Variants in CRACD observed in about 807,000 individuals in gnomAD.
CRACD encodes the protein capping protein-inhibiting regulator of actin dynamics.
Under a neutral mutation model 106.8 loss-of-function variants are expected in CRACD, and 56 were observed. The observed-to-expected ratio is 0.52, with a 90% CI of 0.42 to 0.66. The LOEUF (loss-of-function observed/expected upper bound fraction) is 0.66. Ranked by LOEUF, CRACD falls within the 30% of genes least tolerant of loss-of-function variation. The pLI is 0.00. For missense variants in CRACD, 1,730 were observed against 1,623.2 expected (o/e 1.07, Z -1.13); for synonymous variants, 754 against 670.8 (o/e 1.12, Z -1.92).
chr4:56,271,821 C>G (rs1742363794), intron 2 of CRACD, among the ~76,000 whole-genome samples: 1 of 152,142 alleles, frequency 6.6e-6, no homozygotes, highest in Admixed American at 6.5e-5. Flanking sequence ...TCACAGCTCA[C>G]TCAGCCTCAA....
chr4:56,283,784 C>G (rs1743169583), intron 3 of CRACD, among the ~76,000 whole-genome samples: 1 of 152,152 alleles, frequency 6.6e-6, no homozygotes, highest in Non-Finnish European at 1.5e-5. Flanking sequence ...AGTACATTTT[C>G]TTTAGGTAGA....
Position 56,314,413 on chromosome 4 carries a change from A to G in CRACD, c.911A>G (p.Glu304Gly). Residue 304 changes from glutamate (E) to glycine (G), a missense_variant, in exon 8 of 11, where the codon GAG becomes GGG. By Grantham distance (98) the Glu-to-Gly change is moderately conservative. This residue lies in a region of CRACD where 1,620 missense variants were observed against 1,481.6 expected (regional missense o/e 1.09). Transcript: ENST00000682029. This position sits in a 1 kb window ranked among gnomAD's most constrained non-coding sequence, Gnocchi z 4.4. ...SLEAPGWEDA[E>G]RREREERERL... ...GAAGCGCCAGGTTGGGAGGACGCGG[A>G]GCGGAGGGAGCGTGAGGAGCGCGAG... The G allele has an allele frequency of 2.6e-6, 4 of 1,544,998 alleles. No individual in the cohort carries two copies. The highest frequency in any genetic ancestry group is 3.5e-6 in the Non-Finnish European group (4 of 1,144,808).
At position 56,138,356 on chromosome 4, in the gene CRACD, T is replaced by TTC. The variant is rs1577686833; in HGVS notation, c.-335-40928_-335-40927insTC. 2.0e-5 allele frequency among the ~76,000 whole-genome samples: 3 copies of TTC among 152,084 alleles called. No individual in the cohort carries two copies. In the East Asian group the frequency reaches 5.8e-4, roughly 29 times the overall value. ...GTGTGTGCCTGCAATCTCAGCTTCT[T>TTC]GGGAGGCTAAAGCACGAAAACTGCT... is the stretch of plus-strand genomic sequence containing the variant. On this transcript the variant is annotated intron_variant, in intron 1 of 10. Coordinates refer to ENST00000682029, the MANE Select transcript of CRACD (RefSeq NM_001393381.1).
chr4:56,295,107 A>G (rs370054000), intron 3 of CRACD, among the ~76,000 whole-genome samples: 1 of 152,108 alleles, frequency 6.6e-6, no homozygotes, highest in South Asian at 2.1e-4. Flanking sequence ...AACAACAACA[A>G]CAAAAAACAG....
chr4:56,285,516 T>C (rs771567417), intron 3 of CRACD, among the ~76,000 whole-genome samples: 1 of 152,144 alleles, frequency 6.6e-6, no homozygotes, highest in Non-Finnish European at 1.5e-5. Context: ...CACAGCTCAC[T>C]GCAGCCTCAA....
intron 2 of CRACD, among the ~76,000 whole-genome samples, chr4:56,220,484 C>G (rs974528579): frequency 6.6e-6 from 1 of 152,154 alleles, no homozygotes; most frequent in African/African-American, 2.4e-5. Context: ...GCTGGAAGAA[C>G]GGTACAAGCC....
chr4:56,060,536 G>A (rs906339306), intron 1 of CRACD, among the ~76,000 whole-genome samples: 1 of 152,040 alleles, frequency 6.6e-6, no homozygotes, highest in African/African-American at 2.4e-5. Context: ...CAAAAATGTG[G>A]GAAGCTTGGT....
chr4:56,243,052 C>G (rs948583787), intron 2 of CRACD, among the ~76,000 whole-genome samples: 3 of 152,154 alleles, frequency 2.0e-5, no homozygotes, highest in Admixed American at 2.0e-4. Flanking sequence ...TTCCCTTTAT[C>G]CTTTTTACTA....
At chr4:56,202,259 T>C (rs1487372643) in intron 2 of CRACD, among the ~76,000 whole-genome samples, 3 of 152,228 alleles carry the variant, frequency 2.0e-5, no homozygotes, top group Non-Finnish European at 4.4e-5. Flanking sequence ...TGACATCCTT[T>C]TTTTTAGACG....
chr4:56,188,369 G>A (rs140934136), intron 2 of CRACD, among the ~76,000 whole-genome samples: 296 of 152,156 alleles, frequency 1.9e-3, no homozygotes, highest in African/African-American at 6.7e-3. Context: ...GGCTTGACAT[G>A]CTTGGCCCAT....
intron 1 of CRACD, among the ~76,000 whole-genome samples, chr4:56,132,919 A>G (rs1055697888): frequency 6.6e-6 from 1 of 152,208 alleles, no homozygotes; most frequent in African/African-American, 2.4e-5. Context: ...CTACTTAGCT[A>G]TTGGAGGTAA....
chr4:56,086,820 G>A (rs1352698335), intron 1 of CRACD, among the ~76,000 whole-genome samples: 2 of 152,048 alleles, frequency 1.3e-5, no homozygotes, highest in Non-Finnish European at 2.9e-5. Context: ...TGACTTTGGG[G>A]CTTTGATCCT....
At chr4:56,108,157 G>C (rs113182337) in intron 1 of CRACD, among the ~76,000 whole-genome samples, 47 of 152,266 alleles carry the variant, frequency 3.1e-4, no homozygotes, top group African/African-American at 1.1e-3. Context: ...CCTGCCTGCT[G>C]TCTCTTCTCA....
At chr4:56,285,676 C>T (rs1422474687) in intron 3 of CRACD, among the ~76,000 whole-genome samples, 1 of 152,106 alleles carries the variant, frequency 6.6e-6, no homozygotes. Flanking sequence ...AGACTCCTGA[C>T]CTCAAGCCAT....
rs116274257 is a variant in CRACD, at chr4:56,122,943, C to T, written c.-335-56341C>T. The stretch of plus-strand genomic sequence containing the variant: ...TTGGTATCTTTTTTGTCAATTAATA[C>T]GATGGAACATAATGTTTCCTCAAAC... On this transcript the variant is annotated intron_variant, in intron 1 of 10. Coordinates refer to ENST00000682029, the MANE Select transcript of CRACD (RefSeq NM_001393381.1). 2.8e-3 allele frequency among the ~76,000 whole-genome samples: 425 copies of T among 152,206 alleles called. 2 individuals carry two copies. Among genetic ancestry groups the T allele is most frequent in the African/African-American group, 9.4e-3 (390 of 41,522 alleles).
chr4:56,144,659 TC>T (rs1483949040), intron 1 of CRACD, among the ~76,000 whole-genome samples: 1 of 129,228 alleles, frequency 7.7e-6, no homozygotes, highest in African/African-American at 2.7e-5. Flanking sequence ...TCTTTCTTCT[TC>T]TTTTTTTTTT....
At chr4:56,316,795 A>G (rs1745702863) in intron 8 of CRACD, 106 bp downstream of exon 8, 1 of 1,363,042 alleles carries the variant, frequency 7.3e-7, no homozygotes, top group Non-Finnish European at 9.8e-7. Context: ...CCAACAATAC[A>G]GATTTGAAAA....
intron 1 of CRACD, among the ~76,000 whole-genome samples, chr4:56,086,858 T>A (rs1357957344): frequency 6.6e-6 from 1 of 152,122 alleles, no homozygotes; most frequent in Non-Finnish European, 1.5e-5. Context: ...ATTTCCTCTA[T>A]TCTCAGGCAG....
chr4:56,114,740 C>T (rs1734223595), intron 1 of CRACD, among the ~76,000 whole-genome samples: 1 of 152,022 alleles, frequency 6.6e-6, no homozygotes, highest in Admixed American at 6.5e-5. Flanking sequence ...GAGTGCATCT[C>T]ATTTGGTTAG....
Sources: allele counts gnomAD v4.1 joint callset (sites outside exome capture counted in the v4.1 genomes callset), GRCh38; gene constraint gnomAD v4.1.1; regional missense constraint gnomAD v4.1.1; non-coding constraint Gnocchi (gnomAD v3.1); transcripts MANE v1.5; gene names NCBI Gene and HGNC (gene_info 2026-07-23, HGNC 2026-07-21).